The following RSRP1 variants were observed in gnomAD, a reference collection of about 807,000 sequenced individuals.
RSRP1 encodes arginine/serine-rich protein 1.
Under a neutral mutation model 33.0 loss-of-function variants are expected in RSRP1, and 37 were observed. That is an observed-to-expected ratio of 1.12 (90% CI 0.86 to 1.48). The LOEUF is 1.48. Among genes scored for constraint, RSRP1 ranks in the 40% most tolerant of loss-of-function variants. The pLI, the probability that RSRP1 is intolerant of heterozygous loss-of-function variation, is 0.00. For synonymous variants in RSRP1, 167 were observed against 158.7 expected, an observed-to-expected ratio of 1.05 and a Z score of -0.40; for missense variants, 402 against 385.3, an observed-to-expected ratio of 1.04 and a Z score of -0.36.
At chr1:25,243,449 G>A in intron 4 of RSRP1, 101 bp downstream of exon 4, 1 of 1,410,718 alleles carries the variant, frequency 7.1e-7, no homozygotes, top group Non-Finnish European at 9.6e-7. Flanking sequence ...TAAAAAGTGT[G>A]TCAGTAGGCC....
chr1:25,319,608 C>T lies in RSRP1; in HGVS notation c.-67+18370G>A, dbSNP rs183035317. On this transcript the variant is annotated intron_variant, in intron 1 of 1. Transcript: ENST00000561867. ...TGGACAACAGAGCAAGACCCTGTCT[C>T]AAAAAAGGAAACAAAACAACTTGGA... Among the ~76,000 whole-genome samples, 160 of 131,504 alleles carry T rather than the reference C, an allele frequency of 1.2e-3. 17 individuals carry two copies. Among genetic ancestry groups the T allele is most frequent in the African/African-American group, 3.8e-3 (147 of 38,666 alleles). 86.3% of individuals were successfully genotyped at this position (131,504 alleles called of 152,430 possible).
At position 25,246,898 on chromosome 1, in the gene RSRP1, C is replaced by A; in HGVS notation, c.66G>T (p.Ser22=). ...SPQEKDSPST[S]RSGGSSRLSS... ...ACAGCCGGCTGGACCCGCCCGACCG[C>A]GAGGTCGAGGGCGAATCCTTCTCCT... is the stretch of plus-strand genomic sequence containing the variant. The change falls in exon 2 of 5, where the codon TCG becomes TCT. Residue 22 remains serine (S), a synonymous_variant. Coordinates refer to ENST00000243189, the MANE Select transcript of RSRP1 (RefSeq NM_020317.5). The A allele has an allele frequency of 6.2e-7, 1 of 1,605,092 alleles. No homozygotes were observed. Among genetic ancestry groups the A allele is most frequent in the Non-Finnish European group, 8.5e-7 (1 of 1,173,702 alleles).
chr1:25,243,527 G>A (rs1185663184), intron 4 of RSRP1, 23 bp downstream of exon 4: 10 of 1,609,312 alleles, frequency 6.2e-6, no homozygotes, highest in Non-Finnish European at 8.5e-6. Flanking sequence ...ATTTTTGAGT[G>A]TTCAATGCCT....
rs1404690600 is a variant in RSRP1 at position 25,283,954 on chromosome 1, T to C, written c.-66-36925A>G. Among the ~76,000 whole-genome samples, 3 of 134,620 alleles carry C rather than the reference T, an allele frequency of 2.2e-5. 1 individual carries two copies. The highest frequency in any genetic ancestry group is 7.1e-5 in the Admixed American group (1 of 14,038). 88.3% of individuals were successfully genotyped at this position (134,620 alleles called of 152,430 possible). On this transcript the variant is annotated intron_variant, in intron 1 of 1. Coordinates refer to the RSRP1 transcript ENST00000561867. ...GCCACAGCAGCCTCTGCTCAGGGTC[T>C]GAGACCGGGAAAGGTGAGGGCTACC... is the stretch of plus-strand genomic sequence containing the variant.
intron 1 of RSRP1, among the ~76,000 whole-genome samples, chr1:25,259,102 TC>T (rs1192137269): frequency 3.9e-5 from 6 of 152,238 alleles, no homozygotes; most frequent in African/African-American, 7.2e-5. Context: ...CTTTTTTTTT[TC>T]TTTTTTTTGA....
rs1643523568 is a variant in RSRP1 at position 25,303,182 on chromosome 1, C to G, written c.-67+34796G>C. Reference sequence around the variant, plus strand: ...TGATGAAGGACACGTAGCCCCAACACAGGGGAGAAGTGGTTTCAGGATCAG... The same window carrying G: ...TGATGAAGGACACGTAGCCCCAACAGAGGGGAGAAGTGGTTTCAGGATCAG... On this transcript the variant is annotated intron_variant, in intron 1 of 1. Transcript: ENST00000561867. 4 of 972,262 alleles carry G rather than the reference C, an allele frequency of 4.1e-6. No individual in the cohort carries two copies. In the Admixed American group the frequency reaches 8.1e-5, roughly 20 times the overall value. The allele number at this position is 972,262 out of a possible 1,614,324, so 60.2% of individuals were successfully genotyped here.
Position 25,331,832 on chromosome 1 carries a change from C to T in RSRP1, c.-67+6146G>A, listed in dbSNP as rs1457991865. On this transcript the variant is annotated intron_variant, in intron 1 of 1. Transcript: ENST00000561867. ...TCGGCTCACTGCAAGCTCCGCCTCCCGGGTTCACGCCATTCTCCTGCCTCA... is the reference window on the plus strand; with the variant it reads ...TCGGCTCACTGCAAGCTCCGCCTCCTGGGTTCACGCCATTCTCCTGCCTCA... 5.7e-5 allele frequency among the ~76,000 whole-genome samples: 7 copies of T among 122,794 alleles called. 1 individual carries two copies. The highest frequency in any genetic ancestry group is 2.7e-5 in the African/African-American group (1 of 36,532). The allele number at this position is 122,794 out of a possible 152,430, so 80.6% of individuals were successfully genotyped here. A position where few individuals can be genotyped will look rare whatever the true frequency, so the allele number is the denominator to read the frequency against.
At chr1:25,244,275 C>T in intron 3 of RSRP1, 1 of 1,288,898 alleles carries the variant, frequency 7.8e-7, no homozygotes, top group South Asian at 1.2e-5. Context: ...CACAGATGCC[C>T]CACCGTTACA....
At chr1:25,330,830 A>C (rs183274878) in intron 1 of RSRP1, among the ~76,000 whole-genome samples, 2 of 130,406 alleles carry the variant, frequency 1.5e-5, no homozygotes, top group East Asian at 3.9e-4. Flanking sequence ...GGAGGCTGGA[A>C]GTTCAAGGTG....
At position 25,282,671 on chromosome 1, in the gene RSRP1, T is replaced by TC. The variant is rs1557518468; in HGVS notation, c.-66-35643dup. ...TGGGCACGATGGCTCATGCCTGTAATCCCAGCACTTTGGGAGACGGAGGTG... is the reference window on the plus strand; with the variant it reads ...TGGGCACGATGGCTCATGCCTGTAATCCCCAGCACTTTGGGAGACGGAGGTG... On this transcript the variant is annotated intron_variant, in intron 1 of 1. Transcript: ENST00000561867. 1.5e-5 allele frequency among the ~76,000 whole-genome samples: 2 copies of TC among 132,004 alleles called. 1 individual carries two copies. 86.6% of individuals were successfully genotyped at this position (132,004 alleles called of 152,430 possible). A position where few individuals can be genotyped will look rare whatever the true frequency, so the allele number is the denominator to read the frequency against.
At chr1:25,258,544 G>A (rs189786740) in intron 1 of RSRP1, among the ~76,000 whole-genome samples, 8 of 152,244 alleles carry the variant, frequency 5.3e-5, no homozygotes, top group Admixed American at 5.2e-4. Flanking sequence ...TTGTGAGACT[G>A]GCTCCTGCTG....
Position 25,329,038 on chromosome 1 carries a change from G to A in RSRP1, c.-67+8940C>T, listed in dbSNP as rs764144581. 146 of 1,376,014 alleles carry A rather than the reference G, an allele frequency of 1.1e-4. 29 individuals carry two copies. In the South Asian group the frequency reaches 1.5e-3, roughly 14 times the overall value. 85.2% of individuals were successfully genotyped at this position (1,376,014 alleles called of 1,614,324 possible). A position where few individuals can be genotyped will look rare whatever the true frequency, so the allele number is the denominator to read the frequency against. On this transcript the variant is annotated intron_variant, in intron 1 of 1. Transcript: ENST00000561867. ...TGACAGCAAAGTCTCCAATGTTCGC[G>A]CAGGCACTGGAGTCAGAGAAAATGG...
chr1:25,301,411 T>C lies in RSRP1; in HGVS notation c.-67+36567A>G. On this transcript the variant is annotated intron_variant, in intron 1 of 1. Coordinates refer to the RSRP1 transcript ENST00000561867. ...CGTGACTTCCCCATCTAACTCTAAG[T>C]GACAAGGCTGAGACTCTCCAGCCCT... 6 of 1,046,696 alleles carry C rather than the reference T, an allele frequency of 5.7e-6. 1 individual carries two copies. In the East Asian group the frequency reaches 6.9e-5, roughly 12 times the overall value. 64.8% of individuals were successfully genotyped at this position (1,046,696 alleles called of 1,614,324 possible). A position where few individuals can be genotyped will look rare whatever the true frequency, so the allele number is the denominator to read the frequency against.
At position 25,245,208 on chromosome 1, in the gene RSRP1, G is replaced by A. The variant is rs200764024; in HGVS notation, c.614C>T (p.Pro205Leu). The A allele has an allele frequency of 1.2e-6, 2 of 1,614,046 alleles. No homozygotes were observed. Among genetic ancestry groups the A allele is most frequent in the Admixed American group, 1.7e-5 (1 of 60,008 alleles). ...IDLPASLRTVPSAKETSRGIG... is the reference protein window; with the variant it reads ...IDLPASLRTVLSAKETSRGIG... ...TCCACGGCTTGTTTCTTTGGCTGAAGGAACAGTTCTGAGACTAGCTGGCAA... is the reference window on the plus strand; with the variant it reads ...TCCACGGCTTGTTTCTTTGGCTGAAAGAACAGTTCTGAGACTAGCTGGCAA... Residue 205 changes from proline (P) to leucine (L), a missense_variant, in exon 3 of 5, where the codon CCT (proline) becomes CTT (leucine). Coordinates refer to ENST00000243189, the MANE Select transcript of RSRP1 (RefSeq NM_020317.5).
At chr1:25,257,801 G>C (rs1639993993) in intron 1 of RSRP1, among the ~76,000 whole-genome samples, 1 of 151,860 alleles carries the variant, frequency 6.6e-6, no homozygotes, top group Non-Finnish European at 1.5e-5. Context: ...TGTAGACATA[G>C]GGTTTCTCCA....
intron 1 of RSRP1, chr1:25,329,887 C>A (rs1336170443): frequency 7.7e-6 from 1 of 129,508 alleles, no homozygotes; most frequent in African/African-American, 2.6e-5. Flanking sequence ...GATCTCTTGG[C>A]CTCATGATCA....
rs906568070 is a variant in RSRP1 at position 25,330,359 on chromosome 1, C to T, written c.-67+7619G>A. Reference sequence around the variant, plus strand: ...TGTTACTATGGGAAATCTTGTTTTGCCAATTTTCTTTGAAAATTCTGGCAG... The same window carrying T: ...TGTTACTATGGGAAATCTTGTTTTGTCAATTTTCTTTGAAAATTCTGGCAG... On this transcript the variant is annotated intron_variant, in intron 1 of 1. Transcript: ENST00000561867. 8 of 132,612 alleles carry T rather than the reference C, an allele frequency of 6.0e-5. 1 individual carries two copies. Among genetic ancestry groups the T allele is most frequent in the African/African-American group, 2.1e-4 (8 of 38,936 alleles). The allele number at this position is 132,612 out of a possible 1,614,324, so 8.2% of individuals were successfully genotyped here. A position where few individuals can be genotyped will look rare whatever the true frequency, so the allele number is the denominator to read the frequency against.
In RSRP1 at chr1:25,246,952, G is replaced by A. The variant is rs763452121; in HGVS notation, c.12C>T (p.Tyr4=). The change falls in exon 2 of 5, where the codon TAC becomes TAT. Residue 4 remains tyrosine (Y), a synonymous_variant. Coordinates refer to ENST00000243189, the MANE Select transcript of RSRP1 (RefSeq NM_020317.5). ...GCGAGCCCGGCCACATGTCGTTCACGTAGTTGGACATCTTCACCTGCGGCT... is the reference window on the plus strand; with the variant it reads ...GCGAGCCCGGCCACATGTCGTTCACATAGTTGGACATCTTCACCTGCGGCT... MSN[Y]VNDMWPGSPQ... is the part of the protein sequence containing the mutation. The A allele has an allele frequency of 9.5e-6, 15 of 1,577,888 alleles. No individual in the cohort carries two copies. Among genetic ancestry groups the A allele is most frequent in the South Asian group, 4.5e-5 (4 of 89,010 alleles).
At chr1:25,266,560 A>C (rs1443588287) in intron 1 of RSRP1, among the ~76,000 whole-genome samples, 1 of 126,904 alleles carries the variant, frequency 7.9e-6, no homozygotes, top group Non-Finnish European at 1.8e-5. Context: ...ATCGGCTAAT[A>C]TCCCGCCAAA....
Sources: gnomAD v4.1 joint callset for allele counts (sites outside exome capture counted in the v4.1 genomes callset) on GRCh38, gnomAD v4.1.1 for gene constraint, MANE v1.5 for transcripts, NCBI Gene and HGNC (gene_info 2026-07-23, HGNC 2026-07-21) for gene names.